CPNE7: variants seen among roughly 807,000 people sequenced by gnomAD.
The protein encoded by CPNE7 is copine 7, also known as copine-7.
Under a neutral mutation model 66.5 loss-of-function variants are expected in CPNE7, and 78 were observed. That is an observed-to-expected ratio of 1.17 (90% CI 0.98 to 1.42). CPNE7 has a LOEUF of 1.42. Ranked by LOEUF, CPNE7 falls within the 40% of genes most tolerant of loss-of-function variation. CPNE7 has a pLI of 0.00. For synonymous variants in CPNE7, 468 were observed against 336.7 expected (o/e 1.39, Z -4.27); for missense variants, 1,012 against 776.6 (o/e 1.30, Z -3.60).
Position 89,591,067 on chromosome 16 carries a change from T to G in CPNE7, c.1168+9T>G. On this transcript the variant is annotated intron_variant, in intron 12 of 14. Coordinates refer to ENST00000319518, the MANE Select transcript of CPNE7 (RefSeq NM_153636.3). ...GGACGATGAGTGTGAAGGTAGGAGCTCGAGGCAGGCCTGGGGAGGGGAGTG... is the reference window on the plus strand; with the variant it reads ...GGACGATGAGTGTGAAGGTAGGAGCGCGAGGCAGGCCTGGGGAGGGGAGTG... 1.2e-6 allele frequency: 2 copies of G among 1,613,168 alleles called. No individual in the cohort carries two copies. The highest frequency in any genetic ancestry group is 1.7e-6 in the Non-Finnish European group (2 of 1,179,760).
Position 89,576,077 on chromosome 16 carries a change from G to T in CPNE7, c.174+6G>T. On this transcript the variant is annotated splice_donor_region_variant and intron_variant, in intron 1 of 14. Coordinates refer to ENST00000319518, the MANE Select transcript of CPNE7 (RefSeq NM_153636.3). ...CGCAGGGCCAGTGGGTGCAGGTAGG[G>T]CCGGGGCGTGGGAGGCCGAGAGGCC... 4.0e-6 allele frequency: 5 copies of T among 1,260,648 alleles called. No homozygotes were observed. Among genetic ancestry groups the T allele is most frequent in the Non-Finnish European group, 5.0e-6 (5 of 1,002,596 alleles). 78.1% of individuals were successfully genotyped at this position (1,260,648 alleles called of 1,614,324 possible).
At chr16:89,583,494 G>A (rs555386228) in intron 2 of CPNE7, 7 of 1,555,706 alleles carry the variant, frequency 4.5e-6, no homozygotes, top group East Asian at 4.9e-5. Context: ...GTGAGGTGGT[G>A]GACGTGCAGG....
intron 8 of CPNE7, 114 bp downstream of exon 8, chr16:89,586,870 G>C (rs1018430205): frequency 3.5e-6 from 4 of 1,153,950 alleles, no homozygotes; most frequent in Non-Finnish European, 3.8e-6. Flanking sequence ...AGCACGTCTG[G>C]GGAGGGGCTG....
intron 2 of CPNE7, among the ~76,000 whole-genome samples, chr16:89,580,611 GACACGGAACATCTCACCTGTC>G (rs2058939200): frequency 9.0e-6 from 1 of 110,876 alleles, no homozygotes; most frequent in Admixed American, 9.9e-5. Flanking sequence ...GTCACCCGCT[GACACGGAACATCTCACCTGTC>G]ACACGGAACA....
chr16:89,576,781 C>A (rs944145075), intron 1 of CPNE7, among the ~76,000 whole-genome samples: 1 of 152,194 alleles, frequency 6.6e-6, no homozygotes, highest in Non-Finnish European at 1.5e-5. Context: ...AGCGCGGGCC[C>A]GGGCGGCTGC....
intron 13 of CPNE7, among the ~76,000 whole-genome samples, chr16:89,594,886 A>G (rs1276329908): frequency 6.6e-6 from 1 of 151,716 alleles, no homozygotes; most frequent in Admixed American, 6.6e-5. Flanking sequence ...TCCTGACCTC[A>G]GGTGATCCGC....
chr16:89,578,398 G>A (rs1348884980), intron 2 of CPNE7, among the ~76,000 whole-genome samples: 6 of 151,956 alleles, frequency 3.9e-5, no homozygotes, highest in African/African-American at 7.3e-5. Context: ...CACAAATTAC[G>A]TTCCCTGTTC....
In CPNE7 at chr16:89,596,635, G is replaced by T; in HGVS notation, c.*14G>T. The T allele has an allele frequency of 1.3e-6, 2 of 1,585,954 alleles. No individual in the cohort carries two copies. Among genetic ancestry groups the T allele is most frequent in the South Asian group, 2.2e-5 (2 of 88,952 alleles). ...TGCACACCGTGAAGATGTGGAGGGC[G>T]TAGGGTGGGGGCAGTGAGGAATGGG... is the stretch of plus-strand genomic sequence containing the variant. On this transcript the variant is annotated 3_prime_UTR_variant, in exon 15 of 15. Transcript: ENST00000319518.
chr16:89,595,710 C>T (rs1413244197), intron 14 of CPNE7, 107 bp downstream of exon 14: 2 of 1,006,786 alleles, frequency 2.0e-6, no homozygotes, highest in East Asian at 2.4e-5. Flanking sequence ...GTGGCAGGTC[C>T]CTTCTTGTGT....
rs1249693035 is a variant in CPNE7 at position 89,585,338 on chromosome 16, C to T, written c.592-126C>T. 1.9e-5 allele frequency: 13 copies of T among 699,684 alleles called. No individual in the cohort carries two copies. The East Asian group carries it at 3.2e-4, about 17-fold the overall frequency. 43.3% of individuals were successfully genotyped at this position (699,684 alleles called of 1,614,324 possible). A position where few individuals can be genotyped will look rare whatever the true frequency, so the allele number is the denominator to read the frequency against. On this transcript the variant is annotated intron_variant, in intron 5 of 14. Transcript: ENST00000319518. ...CCCCAGCTCAGGGCCCCGGCGCTGT[C>T]TGGGGTGATGCAGGGGCAGGGCCAG...
In CPNE7 at chr16:89,585,767, G is replaced by C. The variant is rs1253554900; in HGVS notation, c.762G>C (p.Lys254Asn). ...EFSTTFEEMQKAFEEGQAQWD... is the reference protein window; with the variant it reads ...EFSTTFEEMQNAFEEGQAQWD... ...CTACCACCTTCGAGGAGATGCAGAA[G>C]GCCTTTGAGGAGGGGCAGGTGAGCA... The change falls in exon 7 of 15, where the codon AAG becomes AAC. Residue 254 changes from lysine (K) to asparagine (N), a missense_variant. Transcript: ENST00000319518. 2 of 1,535,882 alleles carry C rather than the reference G, an allele frequency of 1.3e-6. No homozygotes were observed. The highest frequency in any genetic ancestry group is 4.0e-5 in the Admixed American group (2 of 49,578).
chr16:89,594,281 T>G (rs2059218355), intron 13 of CPNE7: 1 of 151,994 alleles, frequency 6.6e-6, no homozygotes, highest in African/African-American at 2.4e-5. Flanking sequence ...AGAGCCAGGC[T>G]GGGCACAGCC....
rs963382063 is a variant in CPNE7, at chr16:89,584,304, TGGGCTG to T, written c.507+213_507+218del. On this transcript the variant is annotated intron_variant, in intron 4 of 14. Coordinates refer to ENST00000319518, the MANE Select transcript of CPNE7 (RefSeq NM_153636.3). This position sits in a 1 kb window ranked among gnomAD's most constrained non-coding sequence, Gnocchi z 6.0. ...TAGCTCTCCCGCCCCTCCTGGCAGC[TGGGCTG>T]GGGCTGGGGCAGCTCCCTCCTGTGG... 3.9e-5 allele frequency among the ~76,000 whole-genome samples: 6 copies of T among 152,210 alleles called. No homozygotes were observed. Among genetic ancestry groups the T allele is most frequent in the African/African-American group, 1.4e-4 (6 of 41,462 alleles).
In CPNE7 at chr16:89,584,027, G is replaced by T. The variant is rs1314747173; in HGVS notation, c.433-1G>T. Reference sequence around the variant, plus strand: ...CTGGAGCCCGGGCGTCCCCCTGCCAGGTGATCGCCGAGGACATCTCGGGGA... The same window carrying T: ...CTGGAGCCCGGGCGTCCCCCTGCCATGTGATCGCCGAGGACATCTCGGGGA... On this transcript the variant is annotated splice_acceptor_variant, in intron 3 of 14. Coordinates refer to ENST00000319518, the MANE Select transcript of CPNE7 (RefSeq NM_153636.3). LOFTEE classifies it high-confidence loss of function. This position sits in a 1 kb window ranked among gnomAD's most constrained non-coding sequence, Gnocchi z 6.0. The T allele has an allele frequency of 1.2e-6, 2 of 1,611,926 alleles. No individual in the cohort carries two copies. The highest frequency in any genetic ancestry group is 1.3e-5 in the African/African-American group (1 of 74,910).
Position 89,586,767 on chromosome 16 carries a change from G to A in CPNE7, c.867+11G>A, listed in dbSNP as rs147819908. 4 of 1,609,718 alleles carry A rather than the reference G, an allele frequency of 2.5e-6. No homozygotes were observed. The highest frequency in any genetic ancestry group is 2.5e-6 in the Non-Finnish European group (3 of 1,176,902). ...CTGGCTGACCTCAAGGTGAGAGGTG[G>A]CTGTGCCCGAAGCCTCCCCACCCAC... On this transcript the variant is annotated intron_variant, in intron 8 of 14. Coordinates refer to ENST00000319518, the MANE Select transcript of CPNE7 (RefSeq NM_153636.3).
At chr16:89,587,230 AGTCCGTGGCCCCGCCCCTCCCG>A in intron 9 of CPNE7, 128 bp downstream of exon 9, 1 of 391,678 alleles carries the variant, frequency 2.6e-6, no homozygotes, top group Non-Finnish European at 4.4e-6. Context: ...CCGCCCCCTC[AGTCCGTGGCCCCGCCCCTCCCG>A]CCCCCTCAGT....
At chr16:89,579,081 G>A in intron 2 of CPNE7, 1 of 999,032 alleles carries the variant, frequency 1.0e-6, no homozygotes, top group Non-Finnish European at 1.4e-6. Flanking sequence ...ACGAGGTCAG[G>A]AGTTCGAGAC....
intron 10 of CPNE7, 86 bp downstream of exon 10, chr16:89,588,894 G>A (rs2059128251): frequency 1.3e-6 from 2 of 1,549,134 alleles, no homozygotes; most frequent in East Asian, 2.3e-5. Context: ...CACCCCCCTG[G>A]TCTCCAGGTC....
chr16:89,595,835 G>T (rs2059246361), intron 14 of CPNE7: 3 of 666,478 alleles, frequency 4.5e-6, no homozygotes. Context: ...CAAAAGCAGA[G>T]AACAGCACAA....
Sources: allele counts gnomAD v4.1 joint callset (sites outside exome capture counted in the v4.1 genomes callset), GRCh38; gene constraint gnomAD v4.1.1; non-coding constraint Gnocchi (gnomAD v3.1); transcripts MANE v1.5; gene names NCBI Gene and HGNC (gene_info 2026-07-23, HGNC 2026-07-21).